TTPA: variants seen among roughly 807,000 people sequenced by gnomAD.
TTPA encodes alpha-tocopherol transfer protein.
A neutral mutation model predicts 25.9 loss-of-function variants in TTPA; 23 were observed. That is an observed-to-expected ratio of 0.89 (90% CI 0.64 to 1.26). TTPA has a LOEUF of 1.26. Among genes scored for constraint, TTPA ranks in the 50% most tolerant of loss-of-function variants. The pLI, the probability that TTPA is intolerant of heterozygous loss-of-function variation, is 0.00. For missense variants in TTPA, 337 were observed against 353.1 expected, an observed-to-expected ratio of 0.95 and a Z score of 0.37; for synonymous variants, 148 against 137.3, an observed-to-expected ratio of 1.08 and a Z score of -0.54.
At chr8:63,063,630 T>A (rs932082959) in intron 4 of TTPA, among the ~76,000 whole-genome samples, 15 of 152,194 alleles carry the variant, frequency 9.9e-5, no homozygotes, top group Non-Finnish European at 1.5e-4. Context: ...CCTATAGATA[T>A]CCACTTATAT....
At chr8:63,062,797 A>G (rs1397247658) in intron 4 of TTPA, among the ~76,000 whole-genome samples, 1 of 152,206 alleles carries the variant, frequency 6.6e-6, no homozygotes, top group African/African-American at 2.4e-5. Flanking sequence ...TTTATCTAAA[A>G]TATTACTCAA....
chr8:63,079,414 C>T (rs917330372), intron 1 of TTPA, among the ~76,000 whole-genome samples: 1 of 151,952 alleles, frequency 6.6e-6, no homozygotes, highest in Non-Finnish European at 1.5e-5. Context: ...CAAGACCCAT[C>T]AGATGTCTAT....
At chr8:63,067,961 C>T (rs1276915120) in intron 2 of TTPA, among the ~76,000 whole-genome samples, 1 of 152,134 alleles carries the variant, frequency 6.6e-6, no homozygotes, top group Non-Finnish European at 1.5e-5. Context: ...CGTTTTATGG[C>T]TGTGTAGTAC....
chr8:63,064,410 T>A, intron 3 of TTPA, 94 bp from the exon 4 acceptor site: 1 of 828,244 alleles, frequency 1.2e-6, no homozygotes, highest in Non-Finnish European at 2.0e-6. Flanking sequence ...GCTAAGCTTA[T>A]GGAAATATCT....
chr8:63,069,809 G>A (rs1805456382), intron 2 of TTPA, among the ~76,000 whole-genome samples: 1 of 152,042 alleles, frequency 6.6e-6, no homozygotes, highest in Non-Finnish European at 1.5e-5. Flanking sequence ...CATGAGAATA[G>A]TGTCTATTGT....
downstream of TTPA, among the ~76,000 whole-genome samples, chr8:63,058,744 A>T (rs1466701005): frequency 1.3e-5 from 2 of 152,050 alleles, no homozygotes; most frequent in African/African-American, 4.8e-5. Flanking sequence ...AGGACATTTT[A>T]AAATGTTATC....
chr8:63,072,803 TA>T, intron 2 of TTPA, 131 bp downstream of exon 2: 1 of 1,065,900 alleles, frequency 9.4e-7, no homozygotes, highest in Non-Finnish European at 1.4e-6. Flanking sequence ...CCCAAATTCC[TA>T]AAGATGAATG....
At chr8:63,074,238 C>T (rs545225272) in intron 1 of TTPA, among the ~76,000 whole-genome samples, 1 of 152,182 alleles carries the variant, frequency 6.6e-6, no homozygotes, top group South Asian at 2.1e-4. Flanking sequence ...AATGCTGAGC[C>T]TTGGGAAATG....
chr8:63,064,428 G>T, intron 3 of TTPA, 112 bp from the exon 4 acceptor site: 1 of 739,236 alleles, frequency 1.4e-6, no homozygotes, highest in Non-Finnish European at 2.2e-6. Context: ...TCTAAAGTGT[G>T]TGATTTTATC....
intron 1 of TTPA, among the ~76,000 whole-genome samples, 195 bp downstream of exon 1, chr8:63,085,623 A>G (rs949030422): frequency 1.3e-5 from 2 of 152,222 alleles, no homozygotes; most frequent in Non-Finnish European, 2.9e-5. Context: ...TGACCCAGAG[A>G]AACTGGAGGA....
rs1197496188 is a variant in TTPA, at chr8:63,073,008, G to A, written c.285C>T (p.Leu95=). The A allele has an allele frequency of 6.2e-7, 1 of 1,614,000 alleles. No homozygotes were observed. The highest frequency in any genetic ancestry group is 1.7e-5 in the Admixed American group (1 of 59,994). The change falls in exon 2 of 5, where the codon CTC becomes CTT. Residue 95 remains leucine, a synonymous_variant. Coordinates refer to ENST00000260116, the MANE Select transcript of TTPA (RefSeq NM_000370.3). ...GGACTCCATGGTAGCCAGCCTTTAGGAGGCCAATAATACTTCTAGGGTGTA... is the reference window on the plus strand; with the variant it reads ...GGACTCCATGGTAGCCAGCCTTTAGAAGGCCAATAATACTTCTAGGGTGTA... The part of the protein sequence containing the change: ...ADLHPRSIIG[L]LKAGYHGVLR...
chr8:63,063,406 C>A (rs72659813), intron 4 of TTPA, among the ~76,000 whole-genome samples: 1 of 152,128 alleles, frequency 6.6e-6, no homozygotes, highest in Non-Finnish European at 1.5e-5. Flanking sequence ...CTCTAACTAG[C>A]ATGACATTAA....
intron 1 of TTPA, among the ~76,000 whole-genome samples, chr8:63,078,068 C>T (rs1045832723): frequency 4.6e-5 from 7 of 152,322 alleles, no homozygotes; most frequent in African/African-American, 9.6e-5. Flanking sequence ...CTCCAGCAAA[C>T]TCCAACAGAC....
At chr8:63,080,508 T>A (rs201515264) in intron 1 of TTPA, among the ~76,000 whole-genome samples, 1 of 151,862 alleles carries the variant, frequency 6.6e-6, no homozygotes, top group Non-Finnish European at 1.5e-5. Flanking sequence ...GATCACGACG[T>A]CGGGAGATCA....
intron 1 of TTPA, among the ~76,000 whole-genome samples, chr8:63,080,155 G>T (rs1347353050): frequency 2.0e-5 from 3 of 151,984 alleles, no homozygotes; most frequent in Non-Finnish European, 2.9e-5. Context: ...AGAATCTCTG[G>T]GACACATTTA....
chr8:63,064,140 C>G (rs750588687), intron 4 of TTPA, 66 bp downstream of exon 4: 188 of 1,170,512 alleles, frequency 1.6e-4, no homozygotes, highest in Non-Finnish European at 2.2e-4. Flanking sequence ...ATAAAGCAAT[C>G]CTTAAATTAA....
intron 2 of TTPA, among the ~76,000 whole-genome samples, chr8:63,071,141 C>T (rs1254987187): frequency 6.6e-6 from 1 of 152,084 alleles, no homozygotes; most frequent in Admixed American, 6.5e-5. Flanking sequence ...GACACTGGTG[C>T]AGCAATGAAA....
intron 1 of TTPA, among the ~76,000 whole-genome samples, chr8:63,079,985 G>A (rs1048399780): frequency 2.6e-5 from 4 of 152,154 alleles, no homozygotes; most frequent in African/African-American, 4.8e-5. Flanking sequence ...AGACCACAGC[G>A]CAATCAAATT....
rs10543235 is a variant in TTPA, at chr8:63,060,673, GA to G, written c.*578del. On this transcript the variant is annotated 3_prime_UTR_variant, in exon 5 of 5. Transcript: ENST00000260116. Reference sequence around the variant, plus strand: ...TGGGCGACAGAGCAAGACTCTGTCTGAAAAAAAAAAAAAAAGTTTCTATCGT... The same window carrying G: ...TGGGCGACAGAGCAAGACTCTGTCTGAAAAAAAAAAAAAAGTTTCTATCGT... The G allele has an allele frequency of 1.3e-3, 187 of 145,706 alleles. 1 individual carries two copies. Among genetic ancestry groups the G allele is most frequent in the African/African-American group, 1.9e-3 (75 of 40,218 alleles). 9.0% of individuals were successfully genotyped at this position (145,706 alleles called of 1,614,324 possible).
Sources: allele counts gnomAD v4.1 joint callset (sites outside exome capture counted in the v4.1 genomes callset), GRCh38; gene constraint gnomAD v4.1.1; transcripts MANE v1.5; gene names NCBI Gene and HGNC (gene_info 2026-07-23, HGNC 2026-07-21).